Variants in MYO1H observed in about 807,000 individuals in gnomAD.
MYO1H encodes unconventional myosin-Ih.
A neutral mutation model predicts 149.3 loss-of-function variants in MYO1H; 118 were observed. The observed-to-expected ratio is 0.79, with a 90% CI of 0.68 to 0.92. MYO1H has a LOEUF of 0.92. Among genes scored for constraint, MYO1H ranks in the 40% least tolerant of loss-of-function variants. The pLI, the probability that MYO1H is intolerant of heterozygous loss-of-function variation, is 0.00. For missense variants in MYO1H, 1,212 were observed against 1,280.7 expected, an observed-to-expected ratio of 0.95 and a Z score of 0.82; for synonymous variants, 447 against 465.2, an observed-to-expected ratio of 0.96 and a Z score of 0.50.
chr12:109,437,518 T>TA (rs1439175333), intron 22 of MYO1H, among the ~76,000 whole-genome samples: 1 of 152,156 alleles, frequency 6.6e-6, no homozygotes, highest in Non-Finnish European at 1.5e-5. Flanking sequence ...TTGGGAGTCT[T>TA]ATGGTCTCCA....
At chr12:109,346,981 T>C (rs1023440677), upstream of MYO1H, among the ~76,000 whole-genome samples, 3 of 152,180 alleles carry the variant, frequency 2.0e-5, no homozygotes, top group African/African-American at 7.2e-5. Flanking sequence ...ATTTCTGCTC[T>C]TGTCAGGGCT....
intron 16 of MYO1H, among the ~76,000 whole-genome samples, chr12:109,423,777 G>T (rs1168950841): frequency 6.6e-6 from 1 of 152,082 alleles, no homozygotes; most frequent in African/African-American, 2.4e-5. Context: ...GGGTTTATTC[G>T]TGTTGTGGAA....
chr12:109,378,559 AGCCCCCGTCTGG>A (rs1322767104), intron 1 of MYO1H, among the ~76,000 whole-genome samples: 1 of 152,114 alleles, frequency 6.6e-6, no homozygotes, highest in Non-Finnish European at 1.5e-5. Context: ...CCTGAGCTCA[AGCCCCCGTCTGG>A]GCCTCCCAAA....
upstream of MYO1H, among the ~76,000 whole-genome samples, chr12:109,345,564 G>C (rs7956908): frequency 0.11 from 17,393 of 152,076 alleles, 1,084 homozygotes; most frequent in Middle Eastern, 0.16. Context: ...TCCTTAAAAA[G>C]TTAAACATAG....
intron 19 of MYO1H, among the ~76,000 whole-genome samples, chr12:109,428,452 A>G (rs1175406937): frequency 6.6e-6 from 1 of 152,194 alleles, no homozygotes; most frequent in Non-Finnish European, 1.5e-5. Flanking sequence ...GGGAGTTTGT[A>G]AAGATTTAAT....
chr12:109,363,706 C>G lies in MYO1H; in HGVS notation c.12+15734C>G, dbSNP rs142304796. On this transcript the variant is annotated intron_variant, in intron 1 of 31. Coordinates refer to ENST00000310903, the Ensembl canonical transcript of MYO1H. ...CAGTCTGGGCAACAAGAGAGAAACT[C>G]CGTCTCAAAAAAAAAGAAGAAGACG... 1.7e-3 allele frequency among the ~76,000 whole-genome samples: 260 copies of G among 151,174 alleles called. 3 individuals are homozygous for G. Among genetic ancestry groups the G allele is most frequent in the African/African-American group, 6.1e-3 (250 of 41,168 alleles).
Position 109,426,012 on chromosome 12 carries a change from T to TAC in MYO1H, c.1794_1795dup (p.Ile599ThrfsTer21). 1 of 1,613,876 alleles carries TAC rather than the reference T, an allele frequency of 6.2e-7. No homozygotes were observed. On this transcript the variant is annotated frameshift_variant, in exon 18 of 32. Coordinates refer to ENST00000310903, the Ensembl canonical transcript of MYO1H. LOFTEE classifies it high-confidence loss of function. ...AACCCTCATCTCTAAGGAGCCCTCCTACATCCGTTGCATCAAGCCCAACGA... is the reference window on the plus strand; with the variant it reads ...AACCCTCATCTCTAAGGAGCCCTCCTACACATCCGTTGCATCAAGCCCAACGA...
rs763102650 is a variant in MYO1H at position 109,397,811 on chromosome 12, AG to A, written c.570+1del. 70 of 1,606,120 alleles carry A rather than the reference AG, an allele frequency of 4.4e-5. No individual in the cohort carries two copies. The highest frequency in any genetic ancestry group is 5.6e-5 in the Non-Finnish European group (66 of 1,175,934). On this transcript the variant is annotated frameshift_variant and splice_region_variant, in exon 5 of 32. Coordinates refer to ENST00000310903, the Ensembl canonical transcript of MYO1H. LOFTEE classifies it high-confidence loss of function. ...TACATGGATATACAATTTGATTTTCAGGTACACTGAAGCTCCTATTACTGGT... is the reference window on the plus strand; with the variant it reads ...TACATGGATATACAATTTGATTTTCAGTACACTGAAGCTCCTATTACTGGT...
At chr12:109,347,678 A>C (rs954389161), upstream of MYO1H, among the ~76,000 whole-genome samples, 2 of 152,080 alleles carry the variant, frequency 1.3e-5, no homozygotes, top group African/African-American at 4.8e-5. Context: ...AACATAAGCA[A>C]CTAATCAAAG....
chr12:109,362,468 C>T (rs1252184041), intron 1 of MYO1H, among the ~76,000 whole-genome samples: 1 of 152,064 alleles, frequency 6.6e-6, no homozygotes, highest in Non-Finnish European at 1.5e-5. Flanking sequence ...TTACAAAAGA[C>T]AGATTAACAA....
chr12:109,409,064 T>G, intron 10 of MYO1H, among the ~76,000 whole-genome samples: 1 of 152,078 alleles, frequency 6.6e-6, no homozygotes. Flanking sequence ...GTGCTGGGAT[T>G]GCAGGCGTGA....
the MYO1H span, among the ~76,000 whole-genome samples, chr12:109,325,974 G>A: frequency 2.0e-5 from 3 of 152,190 alleles, no homozygotes; most frequent in African/African-American, 7.2e-5. Context: ...GTTGGTGGGA[G>A]TGTAAATTAG....
At chr12:109,348,015 C>T (rs960378602) in intron 1 of MYO1H, 43 bp downstream of exon 1, 2 of 398,904 alleles carry the variant, frequency 5.0e-6, no homozygotes, top group African/African-American at 4.1e-5. Flanking sequence ...ACCTGGTGAC[C>T]TCTTTTCTAC....
intron 1 of MYO1H, among the ~76,000 whole-genome samples, chr12:109,388,193 AAG>A (rs5800856): frequency 0.051 from 7,730 of 152,120 alleles, 642 homozygotes; most frequent in African/African-American, 0.18. Flanking sequence ...ATTTTAAAAA[AAG>A]AAAAAATTCA....
At chr12:109,425,864 C>A in intron 17 of MYO1H, 82 bp from the exon 18 acceptor site, 1 of 1,003,710 alleles carries the variant, frequency 1.0e-6, no homozygotes, top group Non-Finnish European at 1.5e-6. Context: ...ACACCTTGAG[C>A]CCTGGCCAGT....
chr12:109,380,670 G>T (rs539435356), intron 1 of MYO1H, among the ~76,000 whole-genome samples: 133 of 152,316 alleles, frequency 8.7e-4, no homozygotes, highest in Admixed American at 3.1e-3. Flanking sequence ...GTTAAGGCTG[G>T]GTGTGATGGT....
At chr12:109,372,191 T>C (rs1407968556) in intron 1 of MYO1H, among the ~76,000 whole-genome samples, 1 of 152,144 alleles carries the variant, frequency 6.6e-6, no homozygotes, top group African/African-American at 2.4e-5. Flanking sequence ...ATTCTGGTTG[T>C]TTTTAGTCAT....
At chr12:109,443,036 G>A (rs971869796) in intron 27 of MYO1H, among the ~76,000 whole-genome samples, 1 of 36,072 alleles carries the variant, frequency 2.8e-5, no homozygotes, top group South Asian at 7.0e-4. Flanking sequence ...ATATGTGTGT[G>A]TGTGTGTGTG....
intron 5 of MYO1H, among the ~76,000 whole-genome samples, chr12:109,399,591 C>CAAAA (rs34417905): frequency 5.7e-5 from 4 of 70,466 alleles, no homozygotes; most frequent in African/African-American, 1.4e-4. Flanking sequence ...GACTCTGTCT[C>CAAAA]AAAAAAAAAA....
Sources: gnomAD v4.1 joint callset for allele counts (sites outside exome capture counted in the v4.1 genomes callset) on GRCh38, gnomAD v4.1.1 for gene constraint, MANE v1.5 for transcripts, NCBI Gene and HGNC (gene_info 2026-07-23, HGNC 2026-07-21) for gene names.